AGBL1: variants seen among roughly 807,000 people sequenced by gnomAD.
AGBL1 encodes the protein cytosolic carboxypeptidase 4.
In AGBL1, 130 loss-of-function variants were observed where a neutral mutation model predicts 118.9. That is an observed-to-expected ratio of 1.09 (90% CI 0.95 to 1.26). The LOEUF (loss-of-function observed/expected upper bound fraction) is 1.26. Ranked by LOEUF, AGBL1 falls within the 50% of genes most tolerant of loss-of-function variation. The pLI is 0.00. For synonymous variants in AGBL1, 555 were observed against 478.9 expected, an observed-to-expected ratio of 1.16 and a Z score of -2.08; for missense variants, 1,584 against 1,298.1, an observed-to-expected ratio of 1.22 and a Z score of -3.38.
At chr15:86,371,351 T>C (rs1044255523) in intron 17 of AGBL1, among the ~76,000 whole-genome samples, 1 of 152,130 alleles carries the variant, frequency 6.6e-6, no homozygotes, top group Admixed American at 6.6e-5. Flanking sequence ...GACATGAGAT[T>C]GGAGTGAGCT....
intron 18 of AGBL1, among the ~76,000 whole-genome samples, chr15:86,463,640 T>A (rs1331733234): frequency 2.0e-5 from 3 of 152,220 alleles, no homozygotes; most frequent in African/African-American, 7.2e-5. Context: ...AGGGGTCCAG[T>A]TTCAGTTTTC....
chr15:86,796,029 TACATGTGTCA>T (rs962929412), intron 22 of AGBL1, among the ~76,000 whole-genome samples: 1 of 152,052 alleles, frequency 6.6e-6, no homozygotes, highest in Non-Finnish European at 1.5e-5. Context: ...GCAGTCTTCT[TACATGTGTCA>T]ACCAACTAAA....
At chr15:86,730,172 C>G (rs1219664817) in intron 22 of AGBL1, among the ~76,000 whole-genome samples, 2 of 152,076 alleles carry the variant, frequency 1.3e-5, no homozygotes, top group African/African-American at 4.8e-5. Flanking sequence ...ATTATGAAAT[C>G]TTATAAGAAA....
At chr15:86,716,967 T>C (rs1446114556) in intron 22 of AGBL1, among the ~76,000 whole-genome samples, 1 of 152,226 alleles carries the variant, frequency 6.6e-6, no homozygotes, top group Admixed American at 6.5e-5. Flanking sequence ...GTTTTGTTTT[T>C]ACCTTTAAGG....
chr15:86,882,063 A>G (rs1430889167), intron 22 of AGBL1, among the ~76,000 whole-genome samples: 1 of 152,234 alleles, frequency 6.6e-6, no homozygotes, highest in Admixed American at 6.5e-5. Context: ...ATCTACTTGC[A>G]TTAAATGGGA....
At chr15:86,298,286 CTATA>C (rs71460469) in intron 17 of AGBL1, among the ~76,000 whole-genome samples, 1 of 63,092 alleles carries the variant, frequency 1.6e-5, no homozygotes, top group Admixed American at 1.7e-4. Flanking sequence ...TATATGGTAA[CTATA>C]TATATATGGT....
chr15:86,896,790 ACAT>A (rs2080135078), intron 22 of AGBL1, among the ~76,000 whole-genome samples: 1 of 152,076 alleles, frequency 6.6e-6, no homozygotes, highest in Non-Finnish European at 1.5e-5. Flanking sequence ...TCTTTTGTAA[ACAT>A]CATTTCCAGA....
chr15:86,155,489 C>G (rs1425822746), intron 4 of AGBL1, among the ~76,000 whole-genome samples: 1 of 152,088 alleles, frequency 6.6e-6, no homozygotes, highest in Non-Finnish European at 1.5e-5. Flanking sequence ...TGAATTCATA[C>G]AGATAAAAAG....
At chr15:86,278,449 T>C (rs2079293652) in intron 15 of AGBL1, among the ~76,000 whole-genome samples, 1 of 146,400 alleles carries the variant, frequency 6.8e-6, no homozygotes, top group Non-Finnish European at 1.5e-5. Flanking sequence ...TGTATAAATA[T>C]TGAAAAGCCA....
intron 20 of AGBL1, among the ~76,000 whole-genome samples, chr15:86,547,947 T>C (rs1278921528): frequency 1.3e-5 from 2 of 152,286 alleles, no homozygotes; most frequent in Non-Finnish European, 1.5e-5. Context: ...GCTTTGCTTT[T>C]TGGGGTCCCA....
intron 5 of AGBL1, among the ~76,000 whole-genome samples, chr15:86,198,395 C>G (rs933169223): frequency 6.6e-6 from 1 of 152,090 alleles, no homozygotes; most frequent in African/African-American, 2.4e-5. Context: ...GATTTTAGTG[C>G]TGATGCTAAA....
At chr15:86,466,569 G>A (rs2082410555) in intron 18 of AGBL1, among the ~76,000 whole-genome samples, 1 of 152,174 alleles carries the variant, frequency 6.6e-6, no homozygotes, top group Non-Finnish European at 1.5e-5. Flanking sequence ...GAGGAGAAGA[G>A]GCTTTCTGAT....
At chr15:86,786,086 G>T (rs2078408326) in intron 22 of AGBL1, among the ~76,000 whole-genome samples, 2 of 151,954 alleles carry the variant, frequency 1.3e-5, no homozygotes, top group Admixed American at 6.6e-5. Context: ...GATTTTTTTT[G>T]AAAGTTTTTC....
chr15:86,696,304 G>A (rs1428288708), intron 22 of AGBL1, among the ~76,000 whole-genome samples: 1 of 151,960 alleles, frequency 6.6e-6, no homozygotes, highest in Non-Finnish European at 1.5e-5. Flanking sequence ...ATATTTTCCT[G>A]TTGGACAAAG....
At chr15:86,092,155 C>T (rs776625951) in intron 1 of AGBL1, among the ~76,000 whole-genome samples, 4 of 152,016 alleles carry the variant, frequency 2.6e-5, no homozygotes, top group Admixed American at 6.6e-5. Flanking sequence ...ATCACATATA[C>T]GTTTGAAAGT....
At chr15:86,888,139 C>A (rs189633251) in intron 22 of AGBL1, among the ~76,000 whole-genome samples, 33 of 152,044 alleles carry the variant, frequency 2.2e-4, no homozygotes, top group Admixed American at 1.2e-3. Context: ...AAACTTCAGT[C>A]CCTGGGACCA....
At position 86,166,638 on chromosome 15, in the gene AGBL1, G is replaced by C. The variant is rs1005696445; in HGVS notation, c.488+7612G>C. Among the ~76,000 whole-genome samples the C allele has an allele frequency of 2.6e-5, 4 of 152,220 alleles. 1 individual carries two copies. The highest frequency in any genetic ancestry group is 9.7e-5 in the African/African-American group (4 of 41,448). On this transcript the variant is annotated intron_variant, in intron 5 of 22. Coordinates refer to ENST00000614907, the MANE Select transcript of AGBL1 (RefSeq NM_001386094.1). ...GGTGGTGAACCAGATTCCTTCAGGA[G>C]GAGGAGCTCAGGAACTCATCCTGCG...
intron 22 of AGBL1, among the ~76,000 whole-genome samples, chr15:86,885,872 A>C (rs1410742650): frequency 6.6e-6 from 1 of 152,204 alleles, no homozygotes; most frequent in Non-Finnish European, 1.5e-5. Flanking sequence ...GAAAGCAAGC[A>C]GATTTGATTT....
intron 22 of AGBL1, among the ~76,000 whole-genome samples, chr15:86,700,931 C>T (rs983691120): frequency 1.3e-5 from 2 of 152,036 alleles, no homozygotes; most frequent in African/African-American, 2.4e-5. Flanking sequence ...CAGAGTCAGC[C>T]GGATCAGGAA....
Sources: gnomAD v4.1 joint callset for allele counts (sites outside exome capture counted in the v4.1 genomes callset) on GRCh38, gnomAD v4.1.1 for gene constraint, MANE v1.5 for transcripts, NCBI Gene and HGNC (gene_info 2026-07-23, HGNC 2026-07-21) for gene names.